CCDC138: variants seen among roughly 807,000 people sequenced by gnomAD.
CCDC138 encodes coiled-coil domain-containing protein 138.
A neutral mutation model predicts 82.3 loss-of-function variants in CCDC138; 66 were observed. The ratio of observed to expected loss-of-function variants is 0.80; its 90% CI spans 0.66 to 0.98. The LOEUF is 0.98. CCDC138 is among the 50% of genes least tolerant of loss of function. The pLI, the probability that CCDC138 is intolerant of heterozygous loss-of-function variation, is 0.00. For missense variants in CCDC138, 816 were observed against 758.9 expected, an observed-to-expected ratio of 1.08 and a Z score of -0.88; for synonymous variants, 297 against 265.4, an observed-to-expected ratio of 1.12 and a Z score of -1.16.
intron 11 of CCDC138, among the ~76,000 whole-genome samples, chr2:108,840,991 TTG>T (rs1347517407): frequency 2.6e-5 from 4 of 151,890 alleles, no homozygotes; most frequent in Admixed American, 2.6e-4. Context: ...TTTGTGTTTT[TTG>T]TGTGTGTGTT....
At chr2:108,853,970 ATATATAATATATAATATATAATAAATT>A (rs1558737723) in intron 12 of CCDC138, among the ~76,000 whole-genome samples, 6 of 106,712 alleles carry the variant, frequency 5.6e-5, no homozygotes, top group South Asian at 5.4e-4. Flanking sequence ...ATAATAAAAT[ATATATAATATATAATATATAATAAATT>A]TATATTATAT....
At chr2:108,824,356 T>A (rs2150108877) in intron 10 of CCDC138, among the ~76,000 whole-genome samples, 1 of 152,294 alleles carries the variant, frequency 6.6e-6, no homozygotes, top group East Asian at 1.9e-4. Context: ...ATTTAAAAAA[T>A]TTTTATTTTA....
chr2:108,846,660 G>C, intron 11 of CCDC138, 78 bp from the exon 12 acceptor site: 1 of 1,312,050 alleles, frequency 7.6e-7, no homozygotes, highest in Non-Finnish European at 1.1e-6. Context: ...CTGGGCAACA[G>C]AGCAAGACTG....
chr2:108,805,714 G>A (rs192025834), intron 7 of CCDC138, among the ~76,000 whole-genome samples: 56 of 151,596 alleles, frequency 3.7e-4, no homozygotes, highest in African/African-American at 1.3e-3. Flanking sequence ...GCGACAGAGC[G>A]AGACTGTCTC....
intron 6 of CCDC138, 32 bp from the exon 7 acceptor site, chr2:108,804,857 T>C: frequency 6.8e-7 from 1 of 1,478,394 alleles, no homozygotes; most frequent in Non-Finnish European, 8.9e-7. Flanking sequence ...CCTTACAAGT[T>C]TTAGATGAGA....
intron 10 of CCDC138, 34 bp from the exon 11 acceptor site, chr2:108,839,151 C>A (rs762836501): frequency 1.9e-6 from 3 of 1,566,816 alleles, no homozygotes; most frequent in Non-Finnish European, 2.6e-6. Flanking sequence ...AAATACTGTG[C>A]CTTTGTATTT....
intron 13 of CCDC138, among the ~76,000 whole-genome samples, chr2:108,872,445 T>C (rs141321611): frequency 8.4e-4 from 128 of 152,354 alleles, no homozygotes; most frequent in African/African-American, 2.8e-3. Context: ...TACATAGTTA[T>C]ATGCAAAAGG....
intron 10 of CCDC138, among the ~76,000 whole-genome samples, chr2:108,834,235 CAG>C (rs1379700635): frequency 7.2e-6 from 1 of 138,628 alleles, no homozygotes. Context: ...TTTTTTGAGA[CAG>C]AGTCTCGCTC....
At chr2:108,861,031 C>T (rs1285155604) in intron 13 of CCDC138, among the ~76,000 whole-genome samples, 1 of 122,768 alleles carries the variant, frequency 8.1e-6, no homozygotes, top group Non-Finnish European at 1.6e-5. Flanking sequence ...GTTTCAATTT[C>T]TTCCTGATTC....
intron 11 of CCDC138, 126 bp from the exon 12 acceptor site, chr2:108,846,612 G>A (rs1690524064): frequency 1.4e-6 from 1 of 716,546 alleles, no homozygotes; most frequent in African/African-American, 1.8e-5. Flanking sequence ...AGGAGTTTGA[G>A]GCTGCAGTGA....
chr2:108,855,892 TCTC>T (rs1574250460), intron 12 of CCDC138, among the ~76,000 whole-genome samples: 1 of 152,214 alleles, frequency 6.6e-6, no homozygotes, highest in Non-Finnish European at 1.5e-5. Flanking sequence ...TCTTGAGTCT[TCTC>T]CTTTAAACAG....
At chr2:108,873,779 T>C (rs1215357329) in intron 14 of CCDC138, among the ~76,000 whole-genome samples, 190 bp downstream of exon 14, 1 of 152,204 alleles carries the variant, frequency 6.6e-6, no homozygotes, top group Non-Finnish European at 1.5e-5. Flanking sequence ...CTCATAGTGT[T>C]TTCAGAAAGC....
chr2:108,808,222 T>C (rs1683188622), intron 7 of CCDC138, among the ~76,000 whole-genome samples: 1 of 152,144 alleles, frequency 6.6e-6, no homozygotes, highest in Admixed American at 6.5e-5. Context: ...ATAAAGAAAA[T>C]GTATAACCAC....
chr2:108,828,289 CAAAAT>C (rs1240014157), intron 10 of CCDC138, among the ~76,000 whole-genome samples: 3 of 151,782 alleles, frequency 2.0e-5, no homozygotes, highest in Non-Finnish European at 4.4e-5. Context: ...GTAAAAATAA[CAAAAT>C]GAAGACTATA....
chr2:108,804,856 T>A, intron 6 of CCDC138, 33 bp from the exon 7 acceptor site: 1 of 1,477,066 alleles, frequency 6.8e-7, no homozygotes. Context: ...TCCTTACAAG[T>A]TTTAGATGAG....
intron 10 of CCDC138, among the ~76,000 whole-genome samples, chr2:108,830,829 A>C (rs1029507033): frequency 8.6e-5 from 13 of 151,592 alleles, no homozygotes; most frequent in Admixed American, 6.6e-4. Flanking sequence ...CAAAAAAAAA[A>C]ACCAAAGCTT....
downstream of CCDC138, among the ~76,000 whole-genome samples, chr2:108,880,415 CTT>C (rs1402883844): frequency 6.6e-6 from 1 of 152,178 alleles, no homozygotes; most frequent in African/African-American, 2.4e-5. Context: ...TACCAACTAA[CTT>C]TCTCCCATGA....
intron 13 of CCDC138, among the ~76,000 whole-genome samples, chr2:108,870,811 G>A (rs1317506750): frequency 6.6e-6 from 1 of 152,200 alleles, no homozygotes; most frequent in Non-Finnish European, 1.5e-5. Flanking sequence ...AGGTGTTGGG[G>A]AAGAGGGAAA....
chr2:108,815,398 T>A (rs1047356769), intron 9 of CCDC138, among the ~76,000 whole-genome samples: 2 of 151,972 alleles, frequency 1.3e-5, no homozygotes, highest in African/African-American at 2.4e-5. Flanking sequence ...GATTATGACT[T>A]TTCTTGCCTT....
Sources: allele counts gnomAD v4.1 joint callset (sites outside exome capture counted in the v4.1 genomes callset), GRCh38; gene constraint gnomAD v4.1.1; transcripts MANE v1.5; gene names NCBI Gene and HGNC (gene_info 2026-07-23, HGNC 2026-07-21).